Variants in CNTN3 observed in about 807,000 individuals in gnomAD.
CNTN3 encodes the protein contactin-3.
In CNTN3, 60 loss-of-function variants were observed where a neutral mutation model predicts 119.1. The observed-to-expected ratio is 0.50, with a 90% CI of 0.41 to 0.62. The LOEUF is 0.62. Ranked by LOEUF, CNTN3 falls within the 20% of genes least tolerant of loss-of-function variation. CNTN3 has a pLI of 0.00. For missense variants in CNTN3, 1,101 were observed against 1,242.4 expected, an observed-to-expected ratio of 0.89 and a Z score of 1.71; for synonymous variants, 450 against 438.7, an observed-to-expected ratio of 1.03 and a Z score of -0.32.
intron 1 of CNTN3, among the ~76,000 whole-genome samples, 126 bp downstream of exon 1, chr3:74,614,265 G>C (rs1044438972): frequency 2.6e-5 from 4 of 152,166 alleles, no homozygotes; most frequent in Non-Finnish European, 4.4e-5. Context: ...CGACCCGTCA[G>C]GTGCATTTCC....
chr3:74,578,393 C>A (rs1704451793), intron 1 of CNTN3, among the ~76,000 whole-genome samples: 1 of 151,992 alleles, frequency 6.6e-6, no homozygotes, highest in South Asian at 2.1e-4. Flanking sequence ...CATCACTTTT[C>A]TTAATAAGTT....
intron 3 of CNTN3, among the ~76,000 whole-genome samples, chr3:74,496,456 T>A (rs573993399): frequency 4.6e-4 from 70 of 152,164 alleles, no homozygotes; most frequent in African/African-American, 1.4e-3. Flanking sequence ...ATTCAATATG[T>A]CTATATGTTC....
intron 22 of CNTN3, 142 bp downstream of exon 22, chr3:74,266,339 G>A (rs750302053): frequency 1.2e-5 from 9 of 774,224 alleles, no homozygotes; most frequent in Admixed American, 2.4e-5. Flanking sequence ...TCTTGCCCAC[G>A]TCTCACCTGC....
chr3:74,462,179 A>G (rs979282685), intron 4 of CNTN3, among the ~76,000 whole-genome samples: 3 of 151,980 alleles, frequency 2.0e-5, no homozygotes, highest in Non-Finnish European at 4.4e-5. Flanking sequence ...ACTTTCCGCC[A>G]TGATTGTAAG....
intron 13 of CNTN3, among the ~76,000 whole-genome samples, chr3:74,303,421 G>A (rs1419135396): frequency 2.6e-5 from 4 of 152,128 alleles, no homozygotes; most frequent in Non-Finnish European, 2.9e-5. Context: ...AGCCGGGCAC[G>A]GTGGCTCAAG....
chr3:74,544,607 A>T (rs931069530), intron 1 of CNTN3, among the ~76,000 whole-genome samples: 16 of 152,000 alleles, frequency 1.1e-4, no homozygotes, highest in African/African-American at 3.9e-4. Flanking sequence ...GTGGGGGGAA[A>T]GCAGTGCGGG....
chr3:74,596,251 G>A (rs1704807649), intron 1 of CNTN3, among the ~76,000 whole-genome samples: 3 of 151,478 alleles, frequency 2.0e-5, no homozygotes, highest in Non-Finnish European at 1.5e-5. Context: ...CGTGAAAGTG[G>A]CCATACTACC....
At chr3:74,554,082 G>A (rs533794560) in intron 1 of CNTN3, among the ~76,000 whole-genome samples, 212 of 152,156 alleles carry the variant, frequency 1.4e-3, no homozygotes, top group African/African-American at 4.8e-3. Context: ...TCCATCTTGA[G>A]TTGATTTTTG....
intron 4 of CNTN3, among the ~76,000 whole-genome samples, chr3:74,473,111 C>G (rs770873897): frequency 6.6e-6 from 1 of 150,986 alleles, no homozygotes; most frequent in Non-Finnish European, 1.5e-5. Context: ...TAATGTGCTA[C>G]CCTCTACTGA....
intron 2 of CNTN3, among the ~76,000 whole-genome samples, chr3:74,504,577 G>A (rs1260705047): frequency 6.6e-6 from 1 of 152,120 alleles, no homozygotes; most frequent in South Asian, 2.1e-4. Flanking sequence ...AATGTCAGAG[G>A]AAGACAAAGT....
At chr3:74,524,811 G>A (rs76110092) in intron 1 of CNTN3, among the ~76,000 whole-genome samples, 2,928 of 151,878 alleles carry the variant, frequency 0.019, 115 homozygotes, top group African/African-American at 0.068. Context: ...CCTACTGCTG[G>A]TTAAATATTT....
intron 4 of CNTN3, among the ~76,000 whole-genome samples, chr3:74,431,773 A>T (rs533367868): frequency 6.6e-6 from 1 of 152,310 alleles, no homozygotes; most frequent in African/African-American, 2.4e-5. Flanking sequence ...ATATATCTGA[A>T]ATGGTGGCCA....
intron 1 of CNTN3, among the ~76,000 whole-genome samples, chr3:74,530,136 C>T (rs914031667): frequency 2.6e-5 from 4 of 152,068 alleles, no homozygotes; most frequent in Non-Finnish European, 4.4e-5. Flanking sequence ...AAATTCATGT[C>T]TTCAAGGCAC....
intron 1 of CNTN3, among the ~76,000 whole-genome samples, chr3:74,569,237 A>C (rs747652049): frequency 4.6e-5 from 7 of 152,120 alleles, no homozygotes; most frequent in Non-Finnish European, 1.0e-4. Flanking sequence ...GAACTGTCTC[A>C]CCTTCACAAG....
chr3:74,352,248 G>A (rs1703832467), intron 11 of CNTN3, among the ~76,000 whole-genome samples: 1 of 152,170 alleles, frequency 6.6e-6, no homozygotes, highest in East Asian at 1.9e-4. Flanking sequence ...TTGCTTTGCT[G>A]CATTTTACAT....
At chr3:74,370,597 G>A (rs1428219723) in intron 6 of CNTN3, among the ~76,000 whole-genome samples, 2 of 152,150 alleles carry the variant, frequency 1.3e-5, no homozygotes, top group East Asian at 3.9e-4. Context: ...AATTATAACT[G>A]ACTGGAAAAA....
At chr3:74,489,591 A>T (rs1191264552) in intron 3 of CNTN3, among the ~76,000 whole-genome samples, 1 of 151,602 alleles carries the variant, frequency 6.6e-6, no homozygotes, top group Non-Finnish European at 1.5e-5. Flanking sequence ...CATTTTTTAG[A>T]TTTTTTCCCC....
At chr3:74,430,606 T>C (rs1701767253) in intron 4 of CNTN3, among the ~76,000 whole-genome samples, 1 of 151,606 alleles carries the variant, frequency 6.6e-6, no homozygotes, top group South Asian at 2.1e-4. Context: ...AAAATGGGAG[T>C]AAACTAGTGG....
chr3:74,316,515 G>T (rs146756596), intron 13 of CNTN3, among the ~76,000 whole-genome samples: 53 of 152,196 alleles, frequency 3.5e-4, no homozygotes, highest in African/African-American at 1.3e-3. Context: ...AAAGCATTCT[G>T]CCAAAAACAC....
Sources: gnomAD v4.1 joint callset for allele counts (sites outside exome capture counted in the v4.1 genomes callset) on GRCh38, gnomAD v4.1.1 for gene constraint, MANE v1.5 for transcripts, NCBI Gene and HGNC (gene_info 2026-07-23, HGNC 2026-07-21) for gene names.